DNAJA1: variants seen among roughly 807,000 people sequenced by gnomAD.
The protein encoded by DNAJA1 is DnaJ heat shock protein family (Hsp40) member A1.
Under a neutral mutation model 47.6 loss-of-function variants are expected in DNAJA1, and 26 were observed. The observed-to-expected ratio is 0.55, with a 90% CI of 0.40 to 0.76. DNAJA1 has a LOEUF of 0.76. Ranked by LOEUF, DNAJA1 falls within the 30% of genes least tolerant of loss-of-function variation. The pLI, the probability that DNAJA1 is intolerant of heterozygous loss-of-function variation, is 0.00. For synonymous variants in DNAJA1, 165 were observed against 158.4 expected (o/e 1.04, Z -0.31); for missense variants, 315 against 485.0 (o/e 0.65, Z 3.29).
At chr9:33,031,802 C>T (rs909006979) in intron 5 of DNAJA1, among the ~76,000 whole-genome samples, 7 of 152,236 alleles carry the variant, frequency 4.6e-5, no homozygotes, top group African/African-American at 1.4e-4. Context: ...TTAAATGCTC[C>T]GTTAATTGAT....
chr9:33,028,119 C>T (rs943623775), intron 3 of DNAJA1, among the ~76,000 whole-genome samples: 1 of 151,884 alleles, frequency 6.6e-6, no homozygotes, highest in African/African-American at 2.4e-5. Flanking sequence ...CCCTCACTCC[C>T]CAAAGGAATT....
intron 6 of DNAJA1, among the ~76,000 whole-genome samples, chr9:33,035,692 C>G (rs984249672): frequency 6.6e-6 from 1 of 150,540 alleles, no homozygotes; most frequent in Non-Finnish European, 1.5e-5. Context: ...TGGTATCGAA[C>G]TCCTGACCTT....
intron 1 of DNAJA1, 132 bp from the exon 2 acceptor site, chr9:33,026,343 C>A: frequency 1.1e-6 from 1 of 878,624 alleles, no homozygotes; most frequent in Non-Finnish European, 1.7e-6. Context: ...GAATTGTTAC[C>A]TTTTTGGTGA....
At chr9:33,037,897 G>A (rs1298628787) in intron 8 of DNAJA1, among the ~76,000 whole-genome samples, 1 of 152,040 alleles carries the variant, frequency 6.6e-6, no homozygotes, top group Non-Finnish European at 1.5e-5. Flanking sequence ...CAGATTTCTT[G>A]GCAAAATAGT....
chr9:33,025,408 C>T (rs987138213), intron 1 of DNAJA1, 25 bp downstream of exon 1: 3 of 152,532 alleles, frequency 2.0e-5, no homozygotes, highest in African/African-American at 7.2e-5. Context: ...TCGCGCTGCC[C>T]CTAGTCCCCT....
chr9:33,035,518 G>T (rs1343762818), intron 6 of DNAJA1, among the ~76,000 whole-genome samples: 2 of 152,016 alleles, frequency 1.3e-5, no homozygotes, highest in Admixed American at 6.5e-5. Flanking sequence ...GGCCCAGGCT[G>T]GATTGCGATG....
intron 3 of DNAJA1, among the ~76,000 whole-genome samples, chr9:33,027,318 G>C (rs1838889436): frequency 6.6e-6 from 1 of 151,924 alleles, no homozygotes. Context: ...ACCAAACCCG[G>C]CTAATTTTGT....
intron 3 of DNAJA1, 31 bp downstream of exon 3, chr9:33,027,021 C>G (rs754576103): frequency 6.2e-7 from 1 of 1,612,846 alleles, no homozygotes; most frequent in Non-Finnish European, 8.5e-7. Flanking sequence ...GTGCAGCTAA[C>G]TAAAGTTAGC....
chr9:33,033,084 G>A (rs1453617471), intron 5 of DNAJA1, among the ~76,000 whole-genome samples: 1 of 151,358 alleles, frequency 6.6e-6, no homozygotes, highest in African/African-American at 2.4e-5. Flanking sequence ...TCTTACATGA[G>A]TTATGTTCTA....
chr9:33,026,836 CG>C lies in DNAJA1; in HGVS notation c.157del (p.Glu53LysfsTer61). The stretch of plus-strand genomic sequence containing the variant: ...AGTTTAAACAGATTTCTCAAGCTTA[CG>C]AAGTTCTCTCTGATGCAAAGAAAAG... ...EKFKQISQAYEVLSDAKKREL... is the reference protein window; with the variant it reads ...EKFKQISQAYXVLSDAKKREL... On this transcript the variant is annotated frameshift_variant, in exon 3 of 9. Coordinates refer to ENST00000330899, the MANE Select transcript of DNAJA1 (RefSeq NM_001539.4). LOFTEE classifies it high-confidence loss of function. The C allele has an allele frequency of 6.2e-7, 1 of 1,613,758 alleles. No individual in the cohort carries two copies. Among genetic ancestry groups the C allele is most frequent in the Non-Finnish European group, 8.5e-7 (1 of 1,179,940 alleles).
chr9:33,026,431 G>A, intron 1 of DNAJA1, 44 bp from the exon 2 acceptor site: 1 of 1,572,718 alleles, frequency 6.4e-7, no homozygotes. Context: ...TTTATTAAAA[G>A]CTACCAGTTG....
intron 2 of DNAJA1, 51 bp downstream of exon 2, chr9:33,026,667 A>T: frequency 6.3e-7 from 1 of 1,575,950 alleles, no homozygotes. Flanking sequence ...TGCCAGACGT[A>T]TAGTATTTCT....
chr9:33,035,335 C>A (rs1346231011), intron 6 of DNAJA1, among the ~76,000 whole-genome samples: 1 of 151,764 alleles, frequency 6.6e-6, no homozygotes, highest in Non-Finnish European at 1.5e-5. Context: ...GCACTCCAGC[C>A]TGGGCAAAAA....
rs1231614853 is a variant in DNAJA1, at chr9:33,027,711, G to A, written c.310+721G>A. ...TACAAAACTACAGAATTAGCTGGGC[G>A]TGGTGGTGGGCATCTGCAATCCCAG... On this transcript the variant is annotated intron_variant, in intron 3 of 8. Coordinates refer to ENST00000330899, the MANE Select transcript of DNAJA1 (RefSeq NM_001539.4). Among the ~76,000 whole-genome samples, 13 of 151,986 alleles carry A rather than the reference G, an allele frequency of 8.6e-5. No homozygotes were observed. In the East Asian group the frequency reaches 1.9e-3, roughly 23 times the overall value.
At chr9:33,026,123 G>A (rs16918953) in intron 1 of DNAJA1, among the ~76,000 whole-genome samples, 5,852 of 152,276 alleles carry the variant, frequency 0.038, 331 homozygotes, top group African/African-American at 0.13. Context: ...TGTAATGACC[G>A]GTAGACTGAA....
chr9:33,033,970 T>G (rs945896126), intron 5 of DNAJA1, among the ~76,000 whole-genome samples: 3 of 152,178 alleles, frequency 2.0e-5, no homozygotes, highest in African/African-American at 7.2e-5. Context: ...GCAGCTTACT[T>G]CCCCAGGGTA....
chr9:33,039,055 A>G lies in DNAJA1; in HGVS notation c.*152A>G. 1 of 753,358 alleles carries G rather than the reference A, an allele frequency of 1.3e-6. No individual in the cohort carries two copies. Among genetic ancestry groups the G allele is most frequent in the East Asian group, 2.7e-5 (1 of 36,806 alleles). 46.7% of individuals were successfully genotyped at this position (753,358 alleles called of 1,614,324 possible). A position where few individuals can be genotyped will look rare whatever the true frequency, so the allele number is the denominator to read the frequency against. On this transcript the variant is annotated 3_prime_UTR_variant, in exon 9 of 9. Coordinates refer to ENST00000330899, the MANE Select transcript of DNAJA1 (RefSeq NM_001539.4). ...AAAGTTAAATGAAGAATAAACGCAA[A>G]TATAAAAGCTCTGATTTTGCCCTGT... is the stretch of plus-strand genomic sequence containing the variant.
rs1373584184 is a variant in DNAJA1 at position 33,039,034 on chromosome 9, T to G, written c.*131T>G. The G allele has an allele frequency of 4.5e-6, 4 of 891,924 alleles. No individual in the cohort carries two copies. In the East Asian group the frequency reaches 1.1e-4, roughly 24 times the overall value. 55.3% of individuals were successfully genotyped at this position (891,924 alleles called of 1,614,324 possible). ...TAAACTATAGTAGTGTTTTAAAAAG[T>G]TAAATGAAGAATAAACGCAAATATA... On this transcript the variant is annotated 3_prime_UTR_variant, in exon 9 of 9. Transcript: ENST00000330899.
At position 33,036,719 on chromosome 9, in the gene DNAJA1, C is replaced by CT. The variant is rs747610195; in HGVS notation, c.874+34dup. The CT allele has an allele frequency of 3.4e-6, 5 of 1,489,040 alleles. No individual in the cohort carries two copies. In the Admixed American group the frequency reaches 8.9e-5, roughly 26 times the overall value. 92.2% of individuals were successfully genotyped at this position (1,489,040 alleles called of 1,614,324 possible). ...GGGAACTAGGCAAGCTTAAACTTCT[C>CT]TTTTCTATTCTAGTATTTTCCTTGT... On this transcript the variant is annotated intron_variant, in intron 7 of 8. Transcript: ENST00000330899.
Sources: gnomAD v4.1 joint callset for allele counts (sites outside exome capture counted in the v4.1 genomes callset) on GRCh38, gnomAD v4.1.1 for gene constraint, MANE v1.5 for transcripts, NCBI Gene and HGNC (gene_info 2026-07-23, HGNC 2026-07-21) for gene names.